ACOT9: variants seen among roughly 807,000 people sequenced by gnomAD.
ACOT9 encodes the protein acyl-coenzyme A thioesterase 9, mitochondrial.
In ACOT9, 34 loss-of-function variants were observed where a neutral mutation model predicts 39.7. That is an observed-to-expected ratio of 0.86 (90% CI 0.65 to 1.14). ACOT9 has a LOEUF of 1.14. ACOT9 is among the 50% of genes most tolerant of loss of function. The pLI is 0.00. For synonymous variants in ACOT9, 110 were observed against 120.5 expected (o/e 0.91, Z 0.57); for missense variants, 313 against 344.1 (o/e 0.91, Z 0.71).
intron 1 of ACOT9, among the ~76,000 whole-genome samples, chrX:23,742,233 A>AGAGAGAGAGAGAGAGAGAGAGAGAGG (rs1920976919): frequency 9.5e-5 from 5 of 52,444 alleles, no homozygotes; most frequent in African/African-American, 6.5e-4. Context: ...AGAGAGAGAG[A>AGAGAGAGAGAGAGAGAGAGAGAGAGG]GAGGGAGAGA....
intron 8 of ACOT9, among the ~76,000 whole-genome samples, chrX:23,720,671 A>G (rs1243900159): frequency 9.0e-6 from 1 of 111,184 alleles, no homozygotes; most frequent in Non-Finnish European, 1.9e-5. Context: ...CTCTGCTGAC[A>G]CCTTGATTTT....
intron 8 of ACOT9, among the ~76,000 whole-genome samples, chrX:23,719,983 C>A (rs778537708): frequency 5.8e-4 from 62 of 107,435 alleles, no homozygotes; most frequent in East Asian, 5.7e-3. Flanking sequence ...TACAGGCACC[C>A]GCCACCACGC....
At chrX:23,732,935 C>T (rs764831664) in intron 4 of ACOT9, among the ~76,000 whole-genome samples, 1 of 112,031 alleles carries the variant, frequency 8.9e-6, no homozygotes, top group South Asian at 3.7e-4. Context: ...AAGTAATATA[C>T]ACCTAAATGC....
At chrX:23,711,057 G>A (rs1337903546) in intron 9 of ACOT9, among the ~76,000 whole-genome samples, 1 of 110,695 alleles carries the variant, frequency 9.0e-6, no homozygotes, top group African/African-American at 3.3e-5. Context: ...AATGACTCAC[G>A]CCTGTTATCT....
chrX:23,705,708 C>T, intron 12 of ACOT9, 60 bp downstream of exon 12: 4 of 1,140,090 alleles, frequency 3.5e-6, no homozygotes, highest in Non-Finnish European at 4.8e-6. Context: ...TGTGTCAAAT[C>T]TTGGACAAAT....
intron 2 of ACOT9, among the ~76,000 whole-genome samples, chrX:23,735,240 C>CAAAAAAAAAAAA (rs35950361): frequency 3.4e-5 from 1 of 29,151 alleles, no homozygotes; most frequent in Non-Finnish European, 5.8e-5. Flanking sequence ...GACTCCATCC[C>CAAAAAAAAAAAA]AAAAAAAAAA....
At chrX:23,742,501 A>C (rs766218949) in intron 1 of ACOT9, among the ~76,000 whole-genome samples, 36 of 110,513 alleles carry the variant, frequency 3.3e-4, no homozygotes, top group Non-Finnish European at 4.5e-4. Context: ...AGCTGGGAAG[A>C]TTACATATAC....
chrX:23,730,828 T>C lies in ACOT9; in HGVS notation c.350A>G (p.Gln117Arg). 8.3e-7 allele frequency: 1 copy of C among 1,205,535 alleles called. No individual in the cohort carries two copies. Among genetic ancestry groups the C allele is most frequent in the Non-Finnish European group, 1.1e-6 (1 of 892,633 alleles). Residue 117 changes from glutamine to arginine, a missense_variant, in exon 5 of 16, where the codon CAA becomes CGA. Coordinates refer to ENST00000379303, the MANE Select transcript of ACOT9 (RefSeq NM_001037171.2). ...PELREKYLTVQNTVRFGRILE... is the reference protein window; with the variant it reads ...PELREKYLTVRNTVRFGRILE... ...AGCACTGTGTTACCTTACGGTGTTT[T>C]GAACAGTCAAATATTTCTCTCGTAA...
Position 23,730,951 on chromosome X carries a change from A to G in ACOT9, c.227T>C (p.Leu76Pro). Residue 76 changes from leucine (L) to proline (P), a missense_variant, in exon 5 of 16, where the codon CTT becomes CCT. Transcript: ENST00000379303. ...CTGTGATTTAGCCAAGAAACTATGA[A>G]GTAATTTCCTTTCTTCCATTGCCTT... is the stretch of plus-strand genomic sequence containing the variant. The part of the protein sequence containing the change: ...HVKAMEERKL[L>P]HSFLAKSQDG... 8.3e-7 allele frequency: 1 copy of G among 1,210,535 alleles called. No homozygotes were observed. The highest frequency in any genetic ancestry group is 1.1e-6 in the Non-Finnish European group (1 of 894,875).
At chrX:23,705,459 G>A (rs914824964) in intron 13 of ACOT9, 50 bp downstream of exon 13, 2 of 990,157 alleles carry the variant, frequency 2.0e-6, no homozygotes, top group South Asian at 4.0e-5. Flanking sequence ...TTTCAGTGGG[G>A]TGATATAAAT....
intron 8 of ACOT9, among the ~76,000 whole-genome samples, chrX:23,713,759 T>C (rs755671483): frequency 9.1e-6 from 1 of 109,964 alleles, no homozygotes; most frequent in Non-Finnish European, 1.9e-5. Context: ...GGGCTGGGCA[T>C]GGTACCTCAT....
At chrX:23,729,795 C>A (rs1252299518) in intron 6 of ACOT9, among the ~76,000 whole-genome samples, 1 of 110,520 alleles carries the variant, frequency 9.0e-6, no homozygotes, top group Non-Finnish European at 1.9e-5. Flanking sequence ...CCACGCCTGG[C>A]TAATTTTTTG....
In ACOT9 at chrX:23,707,928, G is replaced by C. The variant is rs761203603; in HGVS notation, c.679C>G (p.Pro227Ala). The change falls in exon 10 of 16, where the codon CCA (proline) becomes GCA (alanine). Residue 227 changes from proline to alanine, a missense_variant. By Grantham distance (27) the Pro-to-Ala change is conservative. Transcript: ENST00000379303. ...SENKGPAFVN[P>A]LIPESPEEEE... ...TCCTCTGGGCTTTCAGGGATGAGTG[G>C]ATTTACAAATGCCGGCCTAAAAAGA... is the stretch of plus-strand genomic sequence containing the variant. 4 of 1,199,415 alleles carry C rather than the reference G, an allele frequency of 3.3e-6. No individual in the cohort carries two copies. In the African/African-American group the frequency reaches 7.1e-5, roughly 21 times the overall value.
At position 23,730,893 on chromosome X, in the gene ACOT9, A is replaced by G. The variant is rs1929715263; in HGVS notation, c.285T>C (p.Ser95=). Residue 95 remains serine, a synonymous_variant, in exon 5 of 16, where the codon AGT becomes AGC. Coordinates refer to ENST00000379303, the MANE Select transcript of ACOT9 (RefSeq NM_001037171.2). ...CCAAAGGCAAGAGAACTTCAATATA[A>G]CTGTCCTTCATTCTCCTAGGAGGCA... ...DGLPPRRMKD[S]YIEVLLPLGS... 8.3e-7 allele frequency: 1 copy of G among 1,208,967 alleles called. No homozygotes were observed. Among genetic ancestry groups the G allele is most frequent in the African/African-American group, 1.7e-5 (1 of 57,487 alleles).
chrX:23,708,554 AG>A (rs1195044071), intron 9 of ACOT9, among the ~76,000 whole-genome samples: 9 of 110,401 alleles, frequency 8.2e-5, no homozygotes, highest in Non-Finnish European at 1.7e-4. Context: ...AAAAAAAAAA[AG>A]AAAAAGAAAA....
intron 6 of ACOT9, among the ~76,000 whole-genome samples, chrX:23,727,790 G>C (rs1929588311): frequency 9.3e-6 from 1 of 107,457 alleles, no homozygotes; most frequent in Admixed American, 1.0e-4. Flanking sequence ...CCTGAGGTCA[G>C]GAGTTTGAGA....
Position 23,705,563 on chromosome X carries a change from C to T in ACOT9, c.965G>A (p.Gly322Asp), listed in dbSNP as rs1388014459. The T allele has an allele frequency of 8.3e-7, 1 of 1,210,722 alleles. No homozygotes were observed. Among genetic ancestry groups the T allele is most frequent in the Non-Finnish European group, 1.1e-6 (1 of 894,995 alleles). Residue 322 changes from glycine (G) to aspartate (D), a missense_variant, in exon 13 of 16, where the codon GGT (glycine) becomes GAT (aspartate). Physicochemically the swap from Gly to Asp is moderately conservative, Grantham distance 94 (BLOSUM62 -1). Coordinates refer to ENST00000379303, the MANE Select transcript of ACOT9 (RefSeq NM_001037171.2). ...TTCATATGCCTTCCTCATAAGGAAA[C>T]CACCAAAGATCCGATTGAAAATGTT... ...ERNIFNRIFGGFLMRKAYELA... is the reference protein window; with the variant it reads ...ERNIFNRIFGDFLMRKAYELA...
At chrX:23,742,286 G>A (rs759192109) in intron 1 of ACOT9, among the ~76,000 whole-genome samples, 1 of 100,887 alleles carries the variant, frequency 9.9e-6, no homozygotes, top group South Asian at 4.8e-4. Context: ...GAATTGATGG[G>A]GTTAATGTGA....
At chrX:23,712,663 C>G (rs757070686) in intron 9 of ACOT9, among the ~76,000 whole-genome samples, 3 of 111,738 alleles carry the variant, frequency 2.7e-5, no homozygotes, top group South Asian at 7.4e-4. Flanking sequence ...CTCTGTCGCC[C>G]AGGCTGGAGT....
Sources: gnomAD v4.1 joint callset for allele counts (sites outside exome capture counted in the v4.1 genomes callset) on GRCh38, gnomAD v4.1.1 for gene constraint, MANE v1.5 for transcripts, NCBI Gene and HGNC (gene_info 2026-07-23, HGNC 2026-07-21) for gene names.